SLC24A2: variants seen among roughly 807,000 people sequenced by gnomAD.
SLC24A2 encodes the protein sodium/potassium/calcium exchanger 2.
A neutral mutation model predicts 62.0 loss-of-function variants in SLC24A2; 36 were observed. The observed-to-expected ratio is 0.58, with a 90% CI of 0.44 to 0.77. SLC24A2 has a LOEUF of 0.77. SLC24A2 is among the 30% of genes least tolerant of loss of function. SLC24A2 has a pLI of 0.00. For synonymous variants in SLC24A2, 358 were observed against 294.0 expected, an observed-to-expected ratio of 1.22 and a Z score of -2.23; for missense variants, 846 against 817.9, an observed-to-expected ratio of 1.03 and a Z score of -0.42.
chr9:20,121,595 G>T, the SLC24A2 span, among the ~76,000 whole-genome samples: 3 of 152,068 alleles, frequency 2.0e-5, no homozygotes, highest in Non-Finnish European at 1.5e-5. Context: ...TGCTCTAGAG[G>T]ATTTCTGAAG....
At chr9:19,769,670 T>C (rs1167315885) in intron 2 of SLC24A2, among the ~76,000 whole-genome samples, 2 of 152,192 alleles carry the variant, frequency 1.3e-5, no homozygotes, top group African/African-American at 4.8e-5. Context: ...CAGGGCTGCA[T>C]CCTACGCTGT....
intron 6 of SLC24A2, 40 bp from the exon 7 acceptor site, chr9:19,573,509 CACACACACACACACACACACAGAG>C (rs1481735391): frequency 2.5e-4 from 8 of 31,740 alleles, no homozygotes; most frequent in African/African-American, 4.9e-4. Flanking sequence ...CACACACACA[CACACACACACACACACACACAGAG>C]AGAGAGAGAG....
At chr9:19,921,086 G>GC in the SLC24A2 span, among the ~76,000 whole-genome samples, 1 of 148,144 alleles carries the variant, frequency 6.8e-6, no homozygotes, top group Non-Finnish European at 1.5e-5. Context: ...TATGGGGGGG[G>GC]GGTGTTCCAA....
chr9:19,710,751 G>C (rs1164676692), intron 2 of SLC24A2, among the ~76,000 whole-genome samples: 2 of 152,126 alleles, frequency 1.3e-5, no homozygotes, highest in Non-Finnish European at 2.9e-5. Flanking sequence ...TGGTCTCATG[G>C]GGGTTTTAGG....
intron 2 of SLC24A2, among the ~76,000 whole-genome samples, chr9:19,707,082 C>T (rs569073486): frequency 5.9e-5 from 9 of 151,768 alleles, no homozygotes; most frequent in South Asian, 2.1e-4. Context: ...ATATCACCAC[C>T]GATCCCACAG....
chr9:20,152,261 T>C, the SLC24A2 span, among the ~76,000 whole-genome samples: 1 of 151,906 alleles, frequency 6.6e-6, no homozygotes, highest in Non-Finnish European at 1.5e-5. Context: ...AAGAAGCACA[T>C]GAGCTTTAAA....
chr9:19,616,303 A>G (rs1332386487), intron 4 of SLC24A2, among the ~76,000 whole-genome samples: 1 of 152,214 alleles, frequency 6.6e-6, no homozygotes, highest in Non-Finnish European at 1.5e-5. Context: ...GTGTATATTC[A>G]CATTTTAATC....
intron 2 of SLC24A2, among the ~76,000 whole-genome samples, chr9:19,653,028 C>A (rs775805735): frequency 5.9e-5 from 9 of 152,164 alleles, no homozygotes; most frequent in Non-Finnish European, 1.2e-4. Flanking sequence ...TTGGTTTACC[C>A]ACAGTGTTCC....
the SLC24A2 span, among the ~76,000 whole-genome samples, chr9:19,962,174 T>TAG: frequency 6.6e-6 from 1 of 152,208 alleles, no homozygotes; most frequent in Admixed American, 6.5e-5. Flanking sequence ...TGTGACTGTC[T>TAG]TCAAATCCTC....
At chr9:19,606,303 TG>T (rs1836982232) in intron 4 of SLC24A2, among the ~76,000 whole-genome samples, 1 of 152,236 alleles carries the variant, frequency 6.6e-6, no homozygotes, top group African/African-American at 2.4e-5. Context: ...TGATTTACTA[TG>T]GAATTTAACT....
At chr9:19,981,802 C>G in the SLC24A2 span, among the ~76,000 whole-genome samples, 1 of 152,100 alleles carries the variant, frequency 6.6e-6, no homozygotes, top group Admixed American at 6.6e-5. Context: ...TCCAACTGAA[C>G]AGAACATTTT....
At chr9:20,232,979 A>G in the SLC24A2 span, among the ~76,000 whole-genome samples, 1 of 152,038 alleles carries the variant, frequency 6.6e-6, no homozygotes, top group Non-Finnish European at 1.5e-5. Flanking sequence ...TCACTTCATT[A>G]TTTACCCAGT....
chr9:19,528,303 G>C (rs1833531028), intron 8 of SLC24A2, among the ~76,000 whole-genome samples, 165 bp from the exon 9 acceptor site: 2 of 152,184 alleles, frequency 1.3e-5, no homozygotes, highest in South Asian at 4.1e-4. Flanking sequence ...AGCTGGGACA[G>C]TAAGATTCTC....
the SLC24A2 span, among the ~76,000 whole-genome samples, chr9:20,275,316 G>C: frequency 6.6e-6 from 1 of 152,022 alleles, no homozygotes; most frequent in East Asian, 1.9e-4. Context: ...TAATGCCAGA[G>C]CACTTGCAAG....
chr9:20,157,484 G>A, the SLC24A2 span, among the ~76,000 whole-genome samples: 1 of 151,578 alleles, frequency 6.6e-6, no homozygotes, highest in Non-Finnish European at 1.5e-5. Flanking sequence ...AACCACCCTC[G>A]GAAAGATAAA....
intron 2 of SLC24A2, among the ~76,000 whole-genome samples, chr9:19,710,620 A>T (rs111337725): frequency 2.0e-4 from 30 of 152,206 alleles, no homozygotes; most frequent in African/African-American, 6.3e-4. Context: ...AGGTGGGGGC[A>T]GTAGAAAGAA....
the SLC24A2 span, among the ~76,000 whole-genome samples, chr9:20,086,135 A>G: frequency 2.0e-5 from 3 of 152,180 alleles, no homozygotes; most frequent in Non-Finnish European, 2.9e-5. Flanking sequence ...AAGTCCATCA[A>G]AAATCTCCTA....
the SLC24A2 span, among the ~76,000 whole-genome samples, chr9:19,878,051 C>T: frequency 6.6e-6 from 1 of 152,142 alleles, no homozygotes; most frequent in East Asian, 1.9e-4. Flanking sequence ...GACCTGTTAC[C>T]ACCCTGTGCA....
the SLC24A2 span, among the ~76,000 whole-genome samples, chr9:19,992,652 T>C: frequency 6.6e-6 from 1 of 152,204 alleles, no homozygotes; most frequent in African/African-American, 2.4e-5. Context: ...TCAGATTAAA[T>C]TCATCTCAGT....
Sources: allele counts gnomAD v4.1 joint callset (sites outside exome capture counted in the v4.1 genomes callset), GRCh38; gene constraint gnomAD v4.1.1; transcripts MANE v1.5; gene names NCBI Gene and HGNC (gene_info 2026-07-23, HGNC 2026-07-21).